The following WDPCP variants were observed in gnomAD, a reference collection of about 807,000 sequenced individuals.
WDPCP encodes WD repeat containing planar cell polarity effector, also known as WD repeat-containing and planar cell polarity effector protein fritz homolog.
In WDPCP, 71 loss-of-function variants were observed where a neutral mutation model predicts 93.1. The ratio of observed to expected loss-of-function variants is 0.76; its 90% CI spans 0.63 to 0.93. WDPCP has a LOEUF of 0.93. Among genes scored for constraint, WDPCP ranks in the 40% least tolerant of loss-of-function variants. The probability of loss-of-function intolerance (pLI) is 0.00; values close to 1 mark genes in which losing one functional copy is unlikely to be tolerated. For missense variants in WDPCP, 844 were observed against 887.4 expected (o/e 0.95, Z 0.62); for synonymous variants, 315 against 315.0 (o/e 1.00, Z 0.00).
chr2:63,823,255 C>G (rs1161017464), intron 1 of WDPCP, among the ~76,000 whole-genome samples: 1 of 150,792 alleles, frequency 6.6e-6, no homozygotes, highest in African/African-American at 2.4e-5. Context: ...CGTCTGTAAT[C>G]CCAGCACTTT....
rs948322106 is a variant in WDPCP at position 63,403,894 on chromosome 2, T to C, written c.1435+154A>G. The C allele has an allele frequency of 2.9e-6, 3 of 1,022,830 alleles. No homozygotes were observed. The African/African-American group carries it at 4.8e-5, about 17-fold the overall frequency. 63.4% of individuals were successfully genotyped at this position (1,022,830 alleles called of 1,614,324 possible). A position where few individuals can be genotyped will look rare whatever the true frequency, so the allele number is the denominator to read the frequency against. On this transcript the variant is annotated intron_variant, in intron 10 of 17. Coordinates refer to ENST00000272321, the MANE Select transcript of WDPCP (RefSeq NM_015910.7). ...TGTTCCTTTGGCAGTTAGAAAGTCA[T>C]CCACAAAAGGGAACTATATGGATAT...
intron 3 of WDPCP, among the ~76,000 whole-genome samples, chr2:63,610,089 T>G (rs1452062226): frequency 6.6e-6 from 1 of 152,128 alleles, no homozygotes; most frequent in African/African-American, 2.4e-5. Context: ...ACAAAGCATT[T>G]TGTTGCTCCT....
intron 3 of WDPCP, among the ~76,000 whole-genome samples, chr2:63,647,015 C>T (rs867499217): frequency 6.6e-6 from 1 of 152,174 alleles, no homozygotes; most frequent in African/African-American, 2.4e-5. Flanking sequence ...TCTTCCTCTA[C>T]ACCCTCTTTA....
intron 1 of WDPCP, among the ~76,000 whole-genome samples, chr2:63,827,252 T>C (rs1006829306): frequency 3.3e-5 from 5 of 152,156 alleles, no homozygotes; most frequent in Non-Finnish European, 1.5e-5. Context: ...CCCTGTGTCA[T>C]TGTATTCTTC....
At chr2:63,668,697 G>A (rs867409045) in intron 2 of WDPCP, among the ~76,000 whole-genome samples, 3 of 152,150 alleles carry the variant, frequency 2.0e-5, no homozygotes, top group Middle Eastern at 3.2e-3. Context: ...CCCTGCCCCC[G>A]CTTTCCAGGG....
chr2:63,357,679 A>C (rs1430870678), intron 12 of WDPCP, among the ~76,000 whole-genome samples: 1 of 152,146 alleles, frequency 6.6e-6, no homozygotes, highest in African/African-American at 2.4e-5. Context: ...TTAGTCAACC[A>C]CTGTGGAAAG....
chr2:63,486,673 G>T, intron 3 of WDPCP, 87 bp from the exon 4 acceptor site: 1 of 1,142,952 alleles, frequency 8.7e-7, no homozygotes, highest in Non-Finnish European at 1.3e-6. Context: ...ATATGTACAT[G>T]TATAAGGTAT....
At chr2:63,681,718 G>C (rs913914951) in intron 2 of WDPCP, among the ~76,000 whole-genome samples, 1 of 152,146 alleles carries the variant, frequency 6.6e-6, no homozygotes, top group Non-Finnish European at 1.5e-5. Flanking sequence ...TGGTTACAGA[G>C]GGCCTCGGAC....
At chr2:63,496,090 T>G (rs1225748039) in intron 1 of WDPCP, among the ~76,000 whole-genome samples, 1 of 152,218 alleles carries the variant, frequency 6.6e-6, no homozygotes, top group Non-Finnish European at 1.5e-5. Flanking sequence ...AATTTAGTTT[T>G]TATTCAGATA....
intron 6 of WDPCP, among the ~76,000 whole-genome samples, chr2:63,479,134 C>A (rs1700128589): frequency 6.6e-6 from 1 of 151,628 alleles, no homozygotes; most frequent in Non-Finnish European, 1.5e-5. Flanking sequence ...CTAGATTAAA[C>A]CAGGAAGAAA....
intron 2 of WDPCP, among the ~76,000 whole-genome samples, chr2:63,779,395 C>T (rs1317672485): frequency 6.6e-6 from 1 of 152,192 alleles, no homozygotes; most frequent in East Asian, 1.9e-4. Context: ...TGGAATCTCA[C>T]TTTCATTCCC....
intron 2 of WDPCP, among the ~76,000 whole-genome samples, chr2:63,667,887 G>A (rs1051129817): frequency 3.7e-4 from 56 of 152,076 alleles, no homozygotes; most frequent in African/African-American, 1.3e-3. Context: ...CTTCTCATAT[G>A]TTTCTTAGGG....
intron 2 of WDPCP, among the ~76,000 whole-genome samples, chr2:63,708,290 C>T (rs559885188): frequency 1.6e-4 from 24 of 152,328 alleles, no homozygotes; most frequent in South Asian, 2.1e-4. Context: ...TTGAGCTTCC[C>T]GGCCGCTTTG....
intron 2 of WDPCP, among the ~76,000 whole-genome samples, chr2:63,777,912 G>A (rs112868380): frequency 2.0e-3 from 308 of 152,290 alleles, no homozygotes; most frequent in Non-Finnish European, 3.2e-3. Context: ...AATATGCACA[G>A]TTTATTGTAT....
intron 1 of WDPCP, among the ~76,000 whole-genome samples, chr2:63,513,177 TA>T (rs1702344042): frequency 6.6e-6 from 1 of 152,122 alleles, no homozygotes; most frequent in Non-Finnish European, 1.5e-5. Context: ...ATAGGTCTAT[TA>T]AAAAAGCACA....
rs74878576 is a variant in WDPCP, at chr2:63,158,351, C to T, written c.2079-4777G>A. On this transcript the variant is annotated intron_variant, in intron 15 of 17. Coordinates refer to ENST00000272321, the MANE Select transcript of WDPCP (RefSeq NM_015910.7). ...TCTTCAAATGCAAATGTAGATTTGTCTGTTCCCATTGTGATCTCTATCATT... is the reference window on the plus strand; with the variant it reads ...TCTTCAAATGCAAATGTAGATTTGTTTGTTCCCATTGTGATCTCTATCATT... Among the ~76,000 whole-genome samples the T allele has an allele frequency of 3.2e-3, 491 of 152,284 alleles. 2 individuals are homozygous for T. The highest frequency in any genetic ancestry group is 6.3e-3 in the Non-Finnish European group (431 of 68,012).
chr2:63,590,752 A>G (rs544965264), upstream of WDPCP: 1 of 152,212 alleles, frequency 6.6e-6, no homozygotes, highest in African/African-American at 2.4e-5. Flanking sequence ...GCCAGATAAC[A>G]CAGAGACAGA....
chr2:63,615,215 A>G (rs545498636), intron 3 of WDPCP, among the ~76,000 whole-genome samples: 1 of 152,300 alleles, frequency 6.6e-6, no homozygotes. Context: ...CTTCCTGGGT[A>G]ATTGGCAAGT....
intron 14 of WDPCP, among the ~76,000 whole-genome samples, chr2:63,250,849 G>T (rs1382085838): frequency 1.3e-5 from 2 of 152,002 alleles, no homozygotes; most frequent in African/African-American, 4.8e-5. Context: ...TTATATTAAG[G>T]AGTTCAATCT....
Sources: allele counts gnomAD v4.1 joint callset (sites outside exome capture counted in the v4.1 genomes callset), GRCh38; gene constraint gnomAD v4.1.1; transcripts MANE v1.5; gene names NCBI Gene and HGNC (gene_info 2026-07-23, HGNC 2026-07-21).